Variants in ARSG observed in about 807,000 individuals in gnomAD.
The protein encoded by ARSG is arylsulfatase G.
In ARSG, 37 loss-of-function variants were observed where a neutral mutation model predicts 50.5. The observed-to-expected ratio is 0.73, with a 90% confidence interval of 0.56 to 0.96. The LOEUF is 0.96. Among genes scored for constraint, ARSG ranks in the 50% least tolerant of loss-of-function variants. ARSG has a pLI of 0.00. For synonymous variants in ARSG, 225 were observed against 254.6 expected (o/e 0.88, Z 1.11); for missense variants, 629 against 675.3 (o/e 0.93, Z 0.76).
chr17:68,329,664 T>G (rs1417692157), intron 2 of ARSG, among the ~76,000 whole-genome samples: 3 of 152,186 alleles, frequency 2.0e-5, no homozygotes, highest in Non-Finnish European at 4.4e-5. Context: ...CGAATTTGCT[T>G]TGACTGCAAT....
chr17:68,443,535 C>T, the ARSG span, among the ~76,000 whole-genome samples: 1 of 152,132 alleles, frequency 6.6e-6, no homozygotes, highest in African/African-American at 2.4e-5. Context: ...TCATGCATGG[C>T]AGTTCCTGTG....
At chr17:68,278,013 C>G (rs952546800) in intron 1 of ARSG, 3 of 929,310 alleles carry the variant, frequency 3.2e-6, no homozygotes, top group African/African-American at 3.3e-5. Flanking sequence ...ACAAACACAT[C>G]GACTACCATT....
intron 10 of ARSG, chr17:68,400,993 A>T (rs4968895): frequency 0.39 from 69,188 of 177,174 alleles, 15,371 homozygotes; most frequent in Admixed American, 0.53. Flanking sequence ...AATATGTTCC[A>T]GGGAGCATCT....
intron 9 of ARSG, 45 bp from the exon 10 acceptor site, chr17:68,395,028 C>T (rs373386291): frequency 1.9e-5 from 30 of 1,607,628 alleles, no homozygotes; most frequent in Admixed American, 1.2e-4. Flanking sequence ...GGTCAGGGAG[C>T]GAGTCAGAAG....
intron 11 of ARSG, among the ~76,000 whole-genome samples, chr17:68,408,302 G>A (rs376320178): frequency 8.3e-6 from 1 of 121,166 alleles, no homozygotes; most frequent in Admixed American, 1.2e-4. Flanking sequence ...AGTCCCCAGA[G>A]TGTGATGTTC....
chr17:68,369,392 T>C (rs1199509364), intron 7 of ARSG, among the ~76,000 whole-genome samples: 1 of 152,116 alleles, frequency 6.6e-6, no homozygotes, highest in East Asian at 1.9e-4. Context: ...GTACAAAAAT[T>C]ATCTGGGCAT....
At chr17:68,428,848 C>T in the ARSG span, 1 of 1,613,916 alleles carries the variant, frequency 6.2e-7, no homozygotes, top group African/African-American at 1.3e-5. Context: ...TTGATTAAGA[C>T]ACACTCTCCT....
the ARSG span, chr17:68,428,884 T>C: frequency 1.2e-6 from 2 of 1,613,960 alleles, no homozygotes; most frequent in Non-Finnish European, 1.7e-6. Context: ...AAATTGTACA[T>C]ATAAAGGTGT....
intron 11 of ARSG, chr17:68,413,654 T>G (rs2082158762): frequency 6.4e-6 from 1 of 155,902 alleles, no homozygotes; most frequent in African/African-American, 2.4e-5. Context: ...AGTTCGAGCT[T>G]CCCGGCTGCT....
chr17:68,413,509 C>G (rs1038625101), intron 11 of ARSG: 12 of 152,160 alleles, frequency 7.9e-5, no homozygotes, highest in African/African-American at 2.9e-4. Flanking sequence ...AACCACTGCT[C>G]TCTTCAAAGC....
chr17:68,291,776 A>G (rs1226871921), intron 1 of ARSG, among the ~76,000 whole-genome samples: 1 of 151,128 alleles, frequency 6.6e-6, no homozygotes, highest in African/African-American at 2.4e-5. Flanking sequence ...GCCAGGCGCG[A>G]GCGCGCGGGT....
chr17:68,266,059 T>C (rs1555746307), intron 1 of ARSG, among the ~76,000 whole-genome samples: 1 of 152,204 alleles, frequency 6.6e-6, no homozygotes, highest in Non-Finnish European at 1.5e-5. Context: ...GGAATGACTC[T>C]GTAACTGGTT....
intron 6 of ARSG, among the ~76,000 whole-genome samples, 173 bp from the exon 7 acceptor site, chr17:68,368,375 T>A (rs1233288471): frequency 6.6e-6 from 1 of 152,274 alleles, no homozygotes; most frequent in East Asian, 1.9e-4. Flanking sequence ...TTTAATTGGC[T>A]AACCAGATTG....
intron 11 of ARSG, among the ~76,000 whole-genome samples, chr17:68,402,632 C>T (rs1472103520): frequency 6.6e-6 from 1 of 152,146 alleles, no homozygotes; most frequent in African/African-American, 2.4e-5. Flanking sequence ...TCACGCCATT[C>T]TCCTGCCTCA....
chr17:68,368,183 T>G (rs2079641071), intron 6 of ARSG, among the ~76,000 whole-genome samples: 1 of 152,168 alleles, frequency 6.6e-6, no homozygotes, highest in Non-Finnish European at 1.5e-5. Flanking sequence ...GTGTGGCAGT[T>G]AAGAGCAAGA....
At position 68,376,171 on chromosome 17, in the gene ARSG, G is replaced by A. The variant is rs549926490; in HGVS notation, c.982+5647G>A. 5.2e-4 allele frequency among the ~76,000 whole-genome samples: 77 copies of A among 148,300 alleles called. No individual in the cohort carries two copies. In the South Asian group the frequency reaches 6.2e-3, roughly 12 times the overall value. On this transcript the variant is annotated intron_variant, in intron 8 of 11. Transcript: ENST00000621439. ...GTCCCCCAGGCTGGAGTGCAATGGCGCGATCATAGCTCATTGCAGCCTCAA... is the reference window on the plus strand; with the variant it reads ...GTCCCCCAGGCTGGAGTGCAATGGCACGATCATAGCTCATTGCAGCCTCAA...
At chr17:68,275,205 C>A (rs1360619505) in intron 1 of ARSG, among the ~76,000 whole-genome samples, 1 of 152,166 alleles carries the variant, frequency 6.6e-6, no homozygotes, top group Non-Finnish European at 1.5e-5. Context: ...GCTGTATCCC[C>A]TAGGACATTT....
chr17:68,359,777 G>A (rs1049641506), intron 6 of ARSG: 1 of 152,248 alleles, frequency 6.6e-6, no homozygotes, highest in Non-Finnish European at 1.5e-5. Context: ...TTTAAGGATT[G>A]AATCTCAAAA....
intron 1 of ARSG, among the ~76,000 whole-genome samples, chr17:68,299,709 G>A (rs1278588817): frequency 6.6e-6 from 1 of 152,208 alleles, no homozygotes; most frequent in Non-Finnish European, 1.5e-5. Context: ...ACCAAGTGCA[G>A]TGTGTTGTGA....
Sources: gnomAD v4.1 joint callset for allele counts (sites outside exome capture counted in the v4.1 genomes callset) on GRCh38, gnomAD v4.1.1 for gene constraint, MANE v1.5 for transcripts, NCBI Gene and HGNC (gene_info 2026-07-23, HGNC 2026-07-21) for gene names.